GGA3: variants seen among roughly 807,000 people sequenced by gnomAD.
The protein encoded by GGA3 is ADP-ribosylation factor-binding protein GGA3.
A neutral mutation model predicts 77.5 loss-of-function variants in GGA3; 57 were observed. The ratio of observed to expected loss-of-function variants is 0.74; its 90% CI spans 0.59 to 0.92. The LOEUF is 0.92. Among genes scored for constraint, GGA3 ranks in the 40% least tolerant of loss-of-function variants. The pLI is 0.00. For missense variants in GGA3, 970 were observed against 914.9 expected (o/e 1.06, Z -0.78); for synonymous variants, 416 against 383.7 (o/e 1.08, Z -0.98).
chr17:75,239,246 G>T, intron 14 of GGA3, 129 bp downstream of exon 14: 2 of 976,530 alleles, frequency 2.0e-6, no homozygotes, highest in Non-Finnish European at 3.0e-6. Flanking sequence ...TGAGAATGCA[G>T]GCAGGGAGGC....
In GGA3 at chr17:75,237,312, G is replaced by T; in HGVS notation, c.*967C>A. 2 of 659,844 alleles carry T rather than the reference G, an allele frequency of 3.0e-6. No homozygotes were observed. Among genetic ancestry groups the T allele is most frequent in the East Asian group, 2.7e-5 (1 of 36,868 alleles). 40.9% of individuals were successfully genotyped at this position (659,844 alleles called of 1,614,324 possible). A position where few individuals can be genotyped will look rare whatever the true frequency, so the allele number is the denominator to read the frequency against. ...CAGCACATTAGGACATATGTCTAGTGTAACATTTGTGATCCTGAGGCCTCC... is the reference window on the plus strand; with the variant it reads ...CAGCACATTAGGACATATGTCTAGTTTAACATTTGTGATCCTGAGGCCTCC... On this transcript the variant is annotated 3_prime_UTR_variant, in exon 17 of 17. Coordinates refer to ENST00000537686, the MANE Select transcript of GGA3 (RefSeq NM_138619.4).
At chr17:75,253,667 C>T (rs1387191184) in intron 1 of GGA3, among the ~76,000 whole-genome samples, 5 of 152,182 alleles carry the variant, frequency 3.3e-5, no homozygotes, top group African/African-American at 9.7e-5. Flanking sequence ...CCCTTATTTC[C>T]GCACCCCGAC....
At chr17:75,240,155 C>T (rs1470873077) in intron 12 of GGA3, 47 bp from the exon 13 acceptor site, 9 of 1,282,930 alleles carry the variant, frequency 7.0e-6, no homozygotes, top group East Asian at 2.5e-5. Context: ...GTGGGGAGGG[C>T]CTGCCGCTGG....
chr17:75,241,119 G>A, intron 10 of GGA3, 62 bp from the exon 11 acceptor site: 1 of 1,584,752 alleles, frequency 6.3e-7, no homozygotes, highest in South Asian at 1.1e-5. Flanking sequence ...TGTGTGGCAG[G>A]AGGCAGCACC....
intron 4 of GGA3, among the ~76,000 whole-genome samples, chr17:75,243,785 G>A (rs1419484855): frequency 6.6e-6 from 1 of 152,132 alleles, no homozygotes; most frequent in East Asian, 1.9e-4. Context: ...TAGGCAGGGG[G>A]CCAGGAGGTC....
chr17:75,242,408 C>T lies in GGA3; in HGVS notation c.675G>A (p.Val225=), dbSNP rs745314482. ...GAAGCAGCATCTCACTGAGCAGTCT[C>T]ACGTTGTTGTTAACTTCCTCTAACG... ...LHTLEEVNNN[V]RLLSEMLLHY... is the part of the protein sequence containing the mutation. The change falls in exon 8 of 17, where the codon GTG becomes GTA. Residue 225 remains valine, a synonymous_variant. Coordinates refer to ENST00000537686, the MANE Select transcript of GGA3 (RefSeq NM_138619.4). 1.2e-6 allele frequency: 2 copies of T among 1,614,174 alleles called. No homozygotes were observed. Among genetic ancestry groups the T allele is most frequent in the South Asian group, 2.2e-5 (2 of 91,082 alleles).
chr17:75,253,439 G>A (rs767066895), intron 1 of GGA3, among the ~76,000 whole-genome samples: 2 of 152,306 alleles, frequency 1.3e-5, no homozygotes, highest in South Asian at 2.1e-4. Flanking sequence ...ATTCACTCAC[G>A]TTTCAAAGGT....
intron 1 of GGA3, among the ~76,000 whole-genome samples, chr17:75,253,579 G>A (rs545002831): frequency 6.6e-6 from 1 of 152,200 alleles, no homozygotes; most frequent in South Asian, 2.1e-4. Context: ...TTCTGGGGGA[G>A]GGGCAAGTAC....
At chr17:75,250,257 C>T (rs929941066) in intron 1 of GGA3, among the ~76,000 whole-genome samples, 6 of 152,234 alleles carry the variant, frequency 3.9e-5, no homozygotes, top group Non-Finnish European at 7.3e-5. Context: ...ACCGCCCCTC[C>T]GGGCTCTGCT....
chr17:75,251,650 G>C (rs976270920), intron 1 of GGA3, among the ~76,000 whole-genome samples: 1 of 137,840 alleles, frequency 7.3e-6, no homozygotes, highest in African/African-American at 2.7e-5. Context: ...AGGTTGCAAT[G>C]AGCTGAGATT....
intron 1 of GGA3, among the ~76,000 whole-genome samples, chr17:75,257,816 T>G (rs1017409613): frequency 1.5e-4 from 23 of 152,082 alleles, no homozygotes; most frequent in African/African-American, 4.6e-4. Context: ...TTCAACACTA[T>G]TTTGTTTTAT....
intron 1 of GGA3, among the ~76,000 whole-genome samples, chr17:75,261,024 A>G (rs1171039313): frequency 2.0e-5 from 3 of 152,200 alleles, no homozygotes; most frequent in African/African-American, 7.2e-5. Context: ...TTGGAATATT[A>G]TTCTCACTTC....
At chr17:75,243,608 G>A in intron 4 of GGA3, 38 bp from the exon 5 acceptor site, 1 of 1,605,372 alleles carries the variant, frequency 6.2e-7, no homozygotes, top group South Asian at 1.1e-5. Flanking sequence ...AGTAAGTGCA[G>A]TTCGGAGGCA....
chr17:75,242,121 G>T, intron 8 of GGA3: 1 of 612,908 alleles, frequency 1.6e-6, no homozygotes, highest in Non-Finnish European at 2.9e-6. Flanking sequence ...GTTTCCATCT[G>T]GCCCTTACAC....
intron 1 of GGA3, among the ~76,000 whole-genome samples, chr17:75,250,540 A>T (rs2076925610): frequency 6.6e-6 from 1 of 152,016 alleles, no homozygotes; most frequent in African/African-American, 2.4e-5. Flanking sequence ...AGGCAGGTGG[A>T]TCATTTGAGG....
rs2076351853 is a variant in GGA3 at position 75,237,300 on chromosome 17, CAT to C, written c.*977_*978del. The C allele has an allele frequency of 6.2e-6, 4 of 641,306 alleles. No individual in the cohort carries two copies. Among genetic ancestry groups the C allele is most frequent in the Admixed American group, 2.4e-5 (1 of 41,506 alleles). 39.7% of individuals were successfully genotyped at this position (641,306 alleles called of 1,614,324 possible). A position where few individuals can be genotyped will look rare whatever the true frequency, so the allele number is the denominator to read the frequency against. On this transcript the variant is annotated 3_prime_UTR_variant, in exon 17 of 17. Coordinates refer to ENST00000537686, the MANE Select transcript of GGA3 (RefSeq NM_138619.4). ...GAGGTTTCTGGGCAGCACATTAGGA[CAT>C]ATGTCTAGTGTAACATTTGTGATCC...
intron 4 of GGA3, among the ~76,000 whole-genome samples, chr17:75,244,043 T>A (rs1158732865): frequency 6.6e-6 from 1 of 152,194 alleles, no homozygotes; most frequent in African/African-American, 2.4e-5. Context: ...GTGACCCTGA[T>A]GCCCATGTGG....
intron 1 of GGA3, among the ~76,000 whole-genome samples, chr17:75,254,791 C>T (rs1022334375): frequency 6.6e-6 from 1 of 152,180 alleles, no homozygotes; most frequent in Non-Finnish European, 1.5e-5. Context: ...AACTTCCAAA[C>T]GCCTAAACCG....
At chr17:75,238,886 C>G (rs566127042) in intron 15 of GGA3, 28 bp downstream of exon 15, 2 of 1,610,730 alleles carry the variant, frequency 1.2e-6, no homozygotes, top group African/African-American at 2.7e-5. Context: ...AAGATAAGGC[C>G]GTTTTGGCCC....
Sources: gnomAD v4.1 joint callset for allele counts (sites outside exome capture counted in the v4.1 genomes callset) on GRCh38, gnomAD v4.1.1 for gene constraint, MANE v1.5 for transcripts, NCBI Gene and HGNC (gene_info 2026-07-23, HGNC 2026-07-21) for gene names.